Variants in SYNPR observed in about 807,000 individuals in gnomAD.
The protein encoded by SYNPR is synaptoporin.
Under a neutral mutation model 32.9 loss-of-function variants are expected in SYNPR, and 23 were observed. That is an observed-to-expected ratio of 0.70 (90% confidence interval 0.50 to 0.99). SYNPR has a LOEUF of 0.99. SYNPR is among the 50% of genes least tolerant of loss of function. The pLI is 0.00. For synonymous variants in SYNPR, 146 were observed against 135.9 expected (o/e 1.07, Z -0.52); for missense variants, 318 against 349.3 (o/e 0.91, Z 0.71).
At position 63,358,625 on chromosome 3, in the gene SYNPR, G is replaced by GA. The variant is rs71126596; in HGVS notation, c.84+79894dup. 7.9e-3 allele frequency among the ~76,000 whole-genome samples: 1,181 copies of GA among 149,882 alleles called. 24 individuals carry two copies. Among genetic ancestry groups the GA allele is most frequent in the East Asian group, 0.061 (311 of 5,108 alleles). On this transcript the variant is annotated intron_variant, in intron 2 of 5. Coordinates refer to ENST00000478300, the MANE Select transcript of SYNPR (RefSeq NM_001130003.2). ...TATTCTATATATCCTCATAATACAT[G>GA]AAAAAAAAAAACCTAAGAATGAGGA...
At chr3:63,466,019 A>G (rs570318612) in intron 2 of SYNPR, among the ~76,000 whole-genome samples, 24 of 152,302 alleles carry the variant, frequency 1.6e-4, no homozygotes, top group Middle Eastern at 3.4e-3. Context: ...TGTTAACCCT[A>G]GTACCCATTA....
intron 4 of SYNPR, among the ~76,000 whole-genome samples, chr3:63,572,790 T>G (rs888136662): frequency 6.6e-6 from 1 of 152,174 alleles, no homozygotes; most frequent in African/African-American, 2.4e-5. Context: ...TATGAAAACT[T>G]GATATTCTGC....
At chr3:63,397,734 T>C (rs1380021214) in intron 2 of SYNPR, among the ~76,000 whole-genome samples, 2 of 152,342 alleles carry the variant, frequency 1.3e-5, no homozygotes, top group Non-Finnish European at 2.9e-5. Flanking sequence ...TGTATGACTT[T>C]GAACAAATCA....
chr3:63,420,791 T>A (rs1699780838), intron 2 of SYNPR, among the ~76,000 whole-genome samples: 1 of 151,190 alleles, frequency 6.6e-6, no homozygotes, highest in Non-Finnish European at 1.5e-5. Context: ...GGCAAAGGAG[T>A]TGTATTCAGA....
At chr3:63,237,765 A>T (rs1392767694) in intron 1 of SYNPR, among the ~76,000 whole-genome samples, 1 of 151,734 alleles carries the variant, frequency 6.6e-6, no homozygotes, top group Non-Finnish European at 1.5e-5. Flanking sequence ...AGAGCTTTTG[A>T]GGTGATGTTT....
chr3:63,264,424 C>T (rs1269536523), intron 2 of SYNPR, among the ~76,000 whole-genome samples: 1 of 152,026 alleles, frequency 6.6e-6, no homozygotes, highest in African/African-American at 2.4e-5. Flanking sequence ...TAGAGATGCA[C>T]ATATCTATTA....
chr3:63,242,678 G>A lies in SYNPR; in HGVS notation n.67-9821G>A, dbSNP rs75670801. Among the ~76,000 whole-genome samples the A allele has an allele frequency of 2.0e-3, 308 of 152,170 alleles. 7 individuals carry two copies. In the East Asian group the frequency reaches 0.052, roughly 26 times the overall value. On this transcript the variant is annotated intron_variant and non_coding_transcript_variant, in intron 1 of 4. Coordinates refer to the SYNPR transcript ENST00000478456. ...AGAAATCAGTCTCAGCTAAAGATGA[G>A]CCCCTGGTTGGAGATTCAAAACATG...
intron 5 of SYNPR, among the ~76,000 whole-genome samples, chr3:63,614,312 G>C (rs1411226982): frequency 1.3e-5 from 2 of 152,148 alleles, no homozygotes; most frequent in African/African-American, 4.8e-5. Flanking sequence ...CTTGGAAAAG[G>C]CTGCAGAACA....
chr3:63,556,393 T>A lies in SYNPR; in HGVS notation c.210-150T>A, dbSNP rs529310610. On this transcript the variant is annotated intron_variant, in intron 3 of 5. Transcript: ENST00000478300. ...TTGATTTCCACATTTCTAGCTATAA[T>A]GTCTGTAAATTTCTTAATGAATATG... The A allele has an allele frequency of 6.1e-5, 37 of 603,122 alleles. No homozygotes were observed. In the South Asian group the frequency reaches 8.9e-4, roughly 15 times the overall value. The allele number at this position is 603,122 out of a possible 1,614,324, so 37.4% of individuals were successfully genotyped here.
Position 63,443,368 on chromosome 3 carries a change from G to A in SYNPR, c.85-37464G>A, listed in dbSNP as rs1417030644. On this transcript the variant is annotated intron_variant, in intron 2 of 5. Transcript: ENST00000478300. ...GGACAAGTGGCTGGTGCTGTGGACA[G>A]AGAAGCTTTATTTTTAGTATGAGAC... 8.3e-6 allele frequency: 13 copies of A among 1,561,032 alleles called. No homozygotes were observed. The African/African-American group carries it at 1.8e-4, about 21-fold the overall frequency.
chr3:63,388,107 T>C (rs1203532041), intron 2 of SYNPR, among the ~76,000 whole-genome samples: 1 of 152,060 alleles, frequency 6.6e-6, no homozygotes, highest in African/African-American at 2.4e-5. Context: ...GGGCCTGAAC[T>C]TGGGTACCCA....
chr3:63,353,254 T>A (rs990636564), intron 2 of SYNPR, among the ~76,000 whole-genome samples: 1 of 152,144 alleles, frequency 6.6e-6, no homozygotes, highest in African/African-American at 2.4e-5. Flanking sequence ...AAAACACAAA[T>A]AGAGTGTTAC....
At chr3:63,413,328 T>A (rs2088494403) in intron 2 of SYNPR, among the ~76,000 whole-genome samples, 1 of 152,226 alleles carries the variant, frequency 6.6e-6, no homozygotes, top group African/African-American at 2.4e-5. Flanking sequence ...GTCTGTTACC[T>A]TTTTGCCACA....
intron 4 of SYNPR, among the ~76,000 whole-genome samples, chr3:63,608,401 CTT>C (rs1700153570): frequency 6.6e-6 from 1 of 152,152 alleles, no homozygotes. Flanking sequence ...GTTTTCTCCT[CTT>C]TAAAATGGGC....
chr3:63,423,516 T>C (rs1309479385), intron 2 of SYNPR: 1 of 152,306 alleles, frequency 6.6e-6, no homozygotes, highest in African/African-American at 2.4e-5. Flanking sequence ...CAAGGTCCAG[T>C]TGGAGGTCTT....
intron 2 of SYNPR, among the ~76,000 whole-genome samples, chr3:63,409,594 T>C (rs1231904762): frequency 3.9e-5 from 6 of 152,196 alleles, no homozygotes; most frequent in Admixed American, 6.5e-5. Flanking sequence ...ACACTCCTTA[T>C]ATCATAATGC....
At chr3:63,358,926 A>C (rs910975344) in intron 2 of SYNPR, among the ~76,000 whole-genome samples, 1 of 152,194 alleles carries the variant, frequency 6.6e-6, no homozygotes, top group Non-Finnish European at 1.5e-5. Context: ...TAAGCACTTT[A>C]AAATCCGCCT....
rs566035237 is a variant in SYNPR at position 63,506,152 on chromosome 3, C to G, written c.209+25196C>G. ...CTCCCTTCCTCTCTTCCCTTTTCCT[C>G]CGCTCTCTTCTTCTTTCCTTTCTTT... On this transcript the variant is annotated intron_variant, in intron 3 of 5. Coordinates refer to ENST00000478300, the MANE Select transcript of SYNPR (RefSeq NM_001130003.2). Among the ~76,000 whole-genome samples the G allele has an allele frequency of 3.3e-5, 5 of 151,792 alleles. No homozygotes were observed. The South Asian group carries it at 1.0e-3, about 32-fold the overall frequency.
chr3:63,614,831 T>G (rs1226147774), intron 5 of SYNPR, among the ~76,000 whole-genome samples: 1 of 152,172 alleles, frequency 6.6e-6, no homozygotes, highest in Non-Finnish European at 1.5e-5. Flanking sequence ...GATACTTTAT[T>G]TGGAGAATAA....
Sources: allele counts gnomAD v4.1 joint callset (sites outside exome capture counted in the v4.1 genomes callset), GRCh38; gene constraint gnomAD v4.1.1; transcripts MANE v1.5; gene names NCBI Gene and HGNC (gene_info 2026-07-23, HGNC 2026-07-21).